PPP5C: variants seen among roughly 807,000 people sequenced by gnomAD.
PPP5C encodes protein phosphatase 5 catalytic subunit, also known as serine/threonine-protein phosphatase 5.
A neutral mutation model predicts 66.7 loss-of-function variants in PPP5C; 21 were observed. The ratio of observed to expected loss-of-function variants is 0.31; its 90% CI spans 0.22 to 0.45. The LOEUF is 0.45. PPP5C is among the 20% of genes least tolerant of loss of function. The probability of loss-of-function intolerance (pLI) is 1.00; values close to 1 mark genes in which losing one functional copy is unlikely to be tolerated. For synonymous variants in PPP5C, 246 were observed against 257.4 expected, an observed-to-expected ratio of 0.96 and a Z score of 0.43; for missense variants, 464 against 675.9, an observed-to-expected ratio of 0.69 and a Z score of 3.48.
At position 46,390,859 on chromosome 19, in the gene PPP5C, C is replaced by T; in HGVS notation, c.*513C>T. 8.8e-7 allele frequency: 1 copy of T among 1,139,486 alleles called. No individual in the cohort carries two copies. The highest frequency in any genetic ancestry group is 1.6e-5 in the African/African-American group (1 of 62,024). 70.6% of individuals were successfully genotyped at this position (1,139,486 alleles called of 1,614,324 possible). A position where few individuals can be genotyped will look rare whatever the true frequency, so the allele number is the denominator to read the frequency against. On this transcript the variant is annotated 3_prime_UTR_variant, in exon 13 of 13. Coordinates refer to ENST00000012443, the MANE Select transcript of PPP5C (RefSeq NM_006247.4). ...AAGTCATTATCGGAAGTCAGCTTGT[C>T]TCTGGATGGTGGAGCCGAAGGAGCT...
intron 7 of PPP5C, 101 bp from the exon 8 acceptor site, chr19:46,386,992 G>A (rs548812121): frequency 1.5e-4 from 226 of 1,541,160 alleles, no homozygotes; most frequent in Non-Finnish European, 1.9e-4. Context: ...GCCCATGGGG[G>A]CAAGGGACGC....
At chr19:46,375,797 C>T (rs367970647) in intron 3 of PPP5C, 46 bp downstream of exon 3, 312 of 1,535,492 alleles carry the variant, frequency 2.0e-4, no homozygotes, top group Non-Finnish European at 2.7e-4. Context: ...GAACATTCCA[C>T]ACGGGCCTTC....
At chr19:46,351,120 G>A (rs1194508236) in intron 1 of PPP5C, among the ~76,000 whole-genome samples, 2 of 152,174 alleles carry the variant, frequency 1.3e-5, no homozygotes, top group African/African-American at 2.4e-5. Flanking sequence ...GAGGCTCCAG[G>A]TATAAGAGCT....
At chr19:46,385,827 C>T (rs1194859398) in intron 7 of PPP5C, among the ~76,000 whole-genome samples, 4 of 151,390 alleles carry the variant, frequency 2.6e-5, no homozygotes, top group Non-Finnish European at 5.9e-5. Context: ...ACCCGTAGTC[C>T]CAGCTTCTTG....
chr19:46,363,687 C>G (rs1972442177), intron 2 of PPP5C, among the ~76,000 whole-genome samples: 1 of 152,116 alleles, frequency 6.6e-6, no homozygotes, highest in Non-Finnish European at 1.5e-5. Context: ...GCTCAGCCTC[C>G]CAAAGTGCTG....
At position 46,376,893 on chromosome 19, in the gene PPP5C, C is replaced by T. The variant is rs1385564209; in HGVS notation, c.633+319C>T. Among the ~76,000 whole-genome samples, 3 of 152,150 alleles carry T rather than the reference C, an allele frequency of 2.0e-5. No individual in the cohort carries two copies. Among genetic ancestry groups the T allele is most frequent in the African/African-American group, 4.8e-5 (2 of 41,446 alleles). On this transcript the variant is annotated intron_variant, in intron 4 of 12. Transcript: ENST00000012443. This position sits in a 1 kb window ranked among gnomAD's most constrained non-coding sequence, Gnocchi z 5.1. Reference sequence around the variant, plus strand: ...TGAGTTCTCATCCCAGGCTCTTGGGCGTCTGTGGCTGCTGGTTGTTGCAGG... The same window carrying T: ...TGAGTTCTCATCCCAGGCTCTTGGGTGTCTGTGGCTGCTGGTTGTTGCAGG...
At chr19:46,357,829 A>G (rs1294577376) in intron 2 of PPP5C, among the ~76,000 whole-genome samples, 3 of 152,198 alleles carry the variant, frequency 2.0e-5, no homozygotes, top group African/African-American at 7.2e-5. Flanking sequence ...AGGAACCTCC[A>G]TGTGTTCAGC....
At chr19:46,365,935 T>G (rs1972483000) in intron 2 of PPP5C, among the ~76,000 whole-genome samples, 1 of 152,066 alleles carries the variant, frequency 6.6e-6, no homozygotes, top group Non-Finnish European at 1.5e-5. Flanking sequence ...GAGAAGGCAG[T>G]TTTCTTTTTT....
Position 46,383,795 on chromosome 19 carries a change from G to A in PPP5C, c.715G>A (p.Val239Ile). Reference protein sequence around the residue: ...TTLKETEKITVCGDTHGQFYD... With the variant: ...TTLKETEKITICGDTHGQFYD... ...TTTCTTTCAGACAGAGAAGATTACAGTATGTGGGGACACCCATGGCCAGTT... is the reference window on the plus strand; with the variant it reads ...TTTCTTTCAGACAGAGAAGATTACAATATGTGGGGACACCCATGGCCAGTT... The change falls in exon 6 of 13, where the codon GTA (valine) becomes ATA (isoleucine). Residue 239 changes from valine (V) to isoleucine (I), a missense_variant. By Grantham distance (29) the Val-to-Ile change is conservative. Transcript: ENST00000012443. The surrounding 1 kb of genome is among the most constrained non-coding windows in gnomAD (Gnocchi z 5.0). 1 of 1,613,564 alleles carries A rather than the reference G, an allele frequency of 6.2e-7. No homozygotes were observed. The highest frequency in any genetic ancestry group is 1.1e-5 in the South Asian group (1 of 91,064).
At chr19:46,350,667 C>A (rs565694931) in intron 1 of PPP5C, among the ~76,000 whole-genome samples, 2 of 152,302 alleles carry the variant, frequency 1.3e-5, no homozygotes, top group African/African-American at 4.8e-5. Context: ...GCCAGGTACG[C>A]TGTGGGGTTT....
At chr19:46,380,792 T>C (rs1322438446) in intron 4 of PPP5C, among the ~76,000 whole-genome samples, 1 of 152,222 alleles carries the variant, frequency 6.6e-6, no homozygotes, top group Non-Finnish European at 1.5e-5. Flanking sequence ...TTCATATCTT[T>C]GTTCTATATA....
chr19:46,384,824 G>C lies in PPP5C; in HGVS notation c.819G>C (p.Val273=), dbSNP rs1972854818. Reference sequence around the variant, plus strand: ...GACAGATATTTAATGGTGACTTTGTGGACCGAGGCTCCTTCTCTGTAGAAG... The same window carrying C: ...GACAGATATTTAATGGTGACTTTGTCGACCGAGGCTCCTTCTCTGTAGAAG... The part of the protein sequence containing the change: ...TNPYIFNGDF[V]DRGSFSVEVI... Residue 273 remains valine, a synonymous_variant, in exon 7 of 13, where the codon GTG becomes GTC. Transcript: ENST00000012443. 1 of 1,613,730 alleles carries C rather than the reference G, an allele frequency of 6.2e-7. No individual in the cohort carries two copies. Among genetic ancestry groups the C allele is most frequent in the Non-Finnish European group, 8.5e-7 (1 of 1,179,770 alleles).
At chr19:46,380,071 G>A (rs190848133) in intron 4 of PPP5C, among the ~76,000 whole-genome samples, 277 of 152,256 alleles carry the variant, frequency 1.8e-3, no homozygotes, top group African/African-American at 4.3e-3. Context: ...TTCGGAGGCC[G>A]AGGCAGGTGA....
chr19:46,347,668 G>A (rs1601405689), intron 1 of PPP5C, among the ~76,000 whole-genome samples: 1 of 151,402 alleles, frequency 6.6e-6, no homozygotes, highest in African/African-American at 2.4e-5. Flanking sequence ...ATCATTAGAT[G>A]GGGGGAACAA....
intron 4 of PPP5C, chr19:46,381,779 A>C (rs993880268): frequency 1.3e-5 from 2 of 152,168 alleles, no homozygotes; most frequent in Non-Finnish European, 2.9e-5. Flanking sequence ...AAAATGGCAC[A>C]CATTTCTCCT....
intron 2 of PPP5C, among the ~76,000 whole-genome samples, chr19:46,363,572 G>C (rs1225338890): frequency 1.3e-5 from 2 of 151,494 alleles, no homozygotes; most frequent in Non-Finnish European, 2.9e-5. Context: ...GGGATTGCAG[G>C]CACGCACCAC....
At chr19:46,385,848 G>T (rs1235197008) in intron 7 of PPP5C, among the ~76,000 whole-genome samples, 2 of 151,632 alleles carry the variant, frequency 1.3e-5, no homozygotes, top group Non-Finnish European at 2.9e-5. Context: ...GGTGGCCAAA[G>T]TGGAAGGATT....
chr19:46,389,355 AT>A (rs1206210143), intron 11 of PPP5C, among the ~76,000 whole-genome samples: 5 of 138,836 alleles, frequency 3.6e-5, no homozygotes, highest in African/African-American at 1.4e-4. Context: ...GTAAGACTCC[AT>A]CTCAAAACAC....
Position 46,388,587 on chromosome 19 carries a change from G to C in PPP5C, c.1211G>C (p.Cys404Ser). Residue 404 changes from cysteine to serine, a missense_variant, in exon 11 of 13, where the codon TGT becomes TCT. This residue lies in a region of PPP5C where 387 missense variants were observed against 626.0 expected (regional missense o/e 0.62). Transcript: ENST00000012443. This position sits in a 1 kb window ranked among gnomAD's most constrained non-coding sequence, Gnocchi z 4.9. ...TCGATCAGCAAGCGGGGCGTGAGCT[G>C]TCAGTTTGGGCCTGACGTCACCAAG... The part of the protein sequence containing the change: ...GRSISKRGVS[C>S]QFGPDVTKAF... 1 of 1,614,156 alleles carries C rather than the reference G, an allele frequency of 6.2e-7. No individual in the cohort carries two copies. The highest frequency in any genetic ancestry group is 8.5e-7 in the Non-Finnish European group (1 of 1,180,016).
Sources: gnomAD v4.1 joint callset for allele counts (sites outside exome capture counted in the v4.1 genomes callset) on GRCh38, gnomAD v4.1.1 for gene constraint, gnomAD v4.1.1 regional missense constraint, Gnocchi (gnomAD v3.1) non-coding constraint, MANE v1.5 for transcripts, NCBI Gene and HGNC (gene_info 2026-07-23, HGNC 2026-07-21) for gene names.